Variants in FAM227B observed in about 807,000 individuals in gnomAD.
FAM227B encodes the protein protein FAM227B.
Under a neutral mutation model 73.8 loss-of-function variants are expected in FAM227B, and 88 were observed. That is an observed-to-expected ratio of 1.19 (90% CI 1.00 to 1.42). The LOEUF is 1.42. Among genes scored for constraint, FAM227B ranks in the 40% most tolerant of loss-of-function variants. FAM227B has a pLI of 0.00. For synonymous variants in FAM227B, 210 were observed against 190.5 expected, an observed-to-expected ratio of 1.10 and a Z score of -0.84; for missense variants, 632 against 590.9, an observed-to-expected ratio of 1.07 and a Z score of -0.72.
chr15:49,419,605 T>A (rs912460299), intron 11 of FAM227B, among the ~76,000 whole-genome samples: 1 of 152,114 alleles, frequency 6.6e-6, no homozygotes, highest in African/African-American at 2.4e-5. Flanking sequence ...CTTACCATAT[T>A]ATAATGGCTT....
At chr15:49,576,460 C>A (rs2075446671) in intron 7 of FAM227B, 3 of 240,886 alleles carry the variant, frequency 1.2e-5, no homozygotes, top group Non-Finnish European at 2.4e-5. Context: ...CCTGAGCTGA[C>A]AGAGCAGGAA....
chr15:49,482,915 G>A (rs920139031), intron 11 of FAM227B, among the ~76,000 whole-genome samples: 1 of 151,822 alleles, frequency 6.6e-6, no homozygotes, highest in African/African-American at 2.4e-5. Flanking sequence ...CTATTTATTT[G>A]ATACAGACAC....
intron 11 of FAM227B, among the ~76,000 whole-genome samples, chr15:49,416,927 A>G (rs546744811): frequency 6.6e-6 from 1 of 152,322 alleles, no homozygotes; most frequent in African/African-American, 2.4e-5. Flanking sequence ...ATGTTCATGG[A>G]TAGGAAGAAT....
chr15:49,331,686 G>A, intron 15 of FAM227B, 94 bp downstream of exon 15: 2 of 755,078 alleles, frequency 2.6e-6, no homozygotes, highest in South Asian at 1.5e-5. Context: ...TGTAATTTGG[G>A]TGTGCCACCA....
intron 11 of FAM227B, among the ~76,000 whole-genome samples, chr15:49,429,228 G>T (rs142284307): frequency 6.8e-4 from 103 of 152,070 alleles, no homozygotes; most frequent in African/African-American, 2.4e-3. Flanking sequence ...AGCAATTATA[G>T]ACAAGGTAGA....
At position 49,508,194 on chromosome 15, in the gene FAM227B, A is replaced by G. The variant is rs764793573; in HGVS notation, c.1012+17T>C. The G allele has an allele frequency of 6.2e-7, 1 of 1,600,884 alleles. No individual in the cohort carries two copies. The highest frequency in any genetic ancestry group is 1.1e-5 in the South Asian group (1 of 88,258). On this transcript the variant is annotated intron_variant, in intron 11 of 15. Coordinates refer to ENST00000299338, the MANE Select transcript of FAM227B (RefSeq NM_152647.3). ...TGCTACCTATTCCATTTGGCAGTAT[A>G]CAGAAACTTTACTTACTAGTTGATA...
chr15:49,617,210 G>T (rs1469062901), intron 1 of FAM227B, among the ~76,000 whole-genome samples: 2 of 151,954 alleles, frequency 1.3e-5, no homozygotes. Flanking sequence ...TGGACTAATT[G>T]TGAAATAAAA....
intron 8 of FAM227B, among the ~76,000 whole-genome samples, chr15:49,574,411 A>G (rs935472145): frequency 6.6e-6 from 1 of 152,072 alleles, no homozygotes; most frequent in East Asian, 1.9e-4. Flanking sequence ...TTCCCCCACG[A>G]TGTTCTCGTA....
At chr15:49,566,240 A>C (rs1445188547) in intron 9 of FAM227B, among the ~76,000 whole-genome samples, 1 of 149,152 alleles carries the variant, frequency 6.7e-6, no homozygotes, top group Non-Finnish European at 1.5e-5. Flanking sequence ...ATGTTGACAT[A>C]TTTAATTTTA....
intron 14 of FAM227B, among the ~76,000 whole-genome samples, chr15:49,333,366 A>T (rs557682342): frequency 6.6e-6 from 1 of 152,328 alleles, no homozygotes; most frequent in African/African-American, 2.4e-5. Context: ...TTATATATCC[A>T]AATATGTATG....
At chr15:49,334,713 T>C (rs1254625531) in intron 14 of FAM227B, among the ~76,000 whole-genome samples, 4 of 152,138 alleles carry the variant, frequency 2.6e-5, no homozygotes, top group Admixed American at 2.0e-4. Context: ...ACATAACTGG[T>C]GGTCCTCCAT....
At chr15:49,552,193 A>C (rs2073111775) in intron 9 of FAM227B, among the ~76,000 whole-genome samples, 1 of 152,150 alleles carries the variant, frequency 6.6e-6, no homozygotes, top group African/African-American at 2.4e-5. Flanking sequence ...GAAATCCCTC[A>C]GCTTTTGTGT....
chr15:49,396,966 C>T (rs1484260798), intron 11 of FAM227B, among the ~76,000 whole-genome samples: 1 of 152,182 alleles, frequency 6.6e-6, no homozygotes, highest in Non-Finnish European at 1.5e-5. Context: ...GAACGCAGTT[C>T]CCCACCAGCA....
At chr15:49,525,711 T>TACACATACATAC (rs1453800028) in intron 10 of FAM227B, among the ~76,000 whole-genome samples, 1 of 63,170 alleles carries the variant, frequency 1.6e-5, no homozygotes, top group African/African-American at 5.2e-5. Flanking sequence ...TATATATATA[T>TACACATACATAC]ATATATATCA....
chr15:49,551,886 TCCC>T (rs928590879), intron 9 of FAM227B, among the ~76,000 whole-genome samples: 33 of 152,220 alleles, frequency 2.2e-4, no homozygotes, highest in African/African-American at 7.5e-4. Flanking sequence ...TTTAAATTTG[TCCC>T]CCCACTTTTT....
At chr15:49,440,650 C>T (rs2051549981) in intron 11 of FAM227B, among the ~76,000 whole-genome samples, 1 of 151,690 alleles carries the variant, frequency 6.6e-6, no homozygotes, top group Admixed American at 6.6e-5. Context: ...TTGTCAGGCA[C>T]AGTGCTTGGT....
At chr15:49,378,999 C>A (rs1207882889) in intron 11 of FAM227B, among the ~76,000 whole-genome samples, 1 of 151,882 alleles carries the variant, frequency 6.6e-6, no homozygotes, top group Non-Finnish European at 1.5e-5. Flanking sequence ...GGGTTTTTAT[C>A]TTGAAGGGAT....
chr15:49,499,123 G>A (rs1198933149), intron 11 of FAM227B, among the ~76,000 whole-genome samples: 7 of 122,942 alleles, frequency 5.7e-5, no homozygotes, highest in Admixed American at 2.1e-4. Context: ...CCGAGATCCC[G>A]CCACTGCACT....
rs117237055 is a variant in FAM227B at position 49,365,197 on chromosome 15, C to T, written c.1271+2251G>A. On this transcript the variant is annotated intron_variant, in intron 13 of 15. Transcript: ENST00000299338. ...TTGCATAATACAGATGGTCCATCAT[C>T]TGATAGCTGTTACCTTTCCAGAACT... 1.3e-4 allele frequency: 110 copies of T among 826,552 alleles called. 1 individual carries two copies. The East Asian group carries it at 2.6e-3, about 19-fold the overall frequency. The allele number at this position is 826,552 out of a possible 1,614,324, so 51.2% of individuals were successfully genotyped here. A position where few individuals can be genotyped will look rare whatever the true frequency, so the allele number is the denominator to read the frequency against.
Sources: gnomAD v4.1 joint callset for allele counts (sites outside exome capture counted in the v4.1 genomes callset) on GRCh38, gnomAD v4.1.1 for gene constraint, MANE v1.5 for transcripts, NCBI Gene and HGNC (gene_info 2026-07-23, HGNC 2026-07-21) for gene names.